The following ACMSD variants were observed in gnomAD, a reference collection of about 807,000 sequenced individuals.
ACMSD encodes the protein aminocarboxymuconate semialdehyde decarboxylase, also known as 2-amino-3-carboxymuconate-6-semialdehyde decarboxylase.
ACMSD carries 37 observed loss-of-function variants against 45.9 expected under a neutral mutation model. That is an observed-to-expected ratio of 0.81 (90% CI 0.62 to 1.06). The LOEUF (loss-of-function observed/expected upper bound fraction) is 1.06, where lower values mean the gene tolerates loss of function less well. ACMSD is among the 50% of genes least tolerant of loss of function. The probability of loss-of-function intolerance (pLI) is 0.00; values close to 1 mark genes in which losing one functional copy is unlikely to be tolerated. For synonymous variants in ACMSD, 138 were observed against 148.8 expected (o/e 0.93, Z 0.53); for missense variants, 434 against 420.9 (o/e 1.03, Z -0.27).
intron 1 of ACMSD, among the ~76,000 whole-genome samples, chr2:134,844,210 C>T (rs1471275706): frequency 2.0e-5 from 3 of 152,134 alleles, no homozygotes; most frequent in Admixed American, 6.5e-5. Flanking sequence ...GATCCCCAGG[C>T]GGAAATCTAT....
chr2:134,855,731 G>A (rs565912374), intron 2 of ACMSD, among the ~76,000 whole-genome samples: 3 of 152,240 alleles, frequency 2.0e-5, no homozygotes, highest in Admixed American at 6.5e-5. Flanking sequence ...GAAATAAAAT[G>A]TGGATCTGAA....
chr2:134,845,112 T>C, intron 1 of ACMSD, 121 bp from the exon 2 acceptor site: 2 of 915,950 alleles, frequency 2.2e-6, no homozygotes, highest in Non-Finnish European at 1.8e-6. Flanking sequence ...TACATGGGTA[T>C]GGGGGAAATG....
At chr2:134,851,100 C>T (rs1159666847) in intron 2 of ACMSD, among the ~76,000 whole-genome samples, 1 of 152,182 alleles carries the variant, frequency 6.6e-6, no homozygotes, top group Non-Finnish European at 1.5e-5. Flanking sequence ...CCTCCAGGTG[C>T]ATCTGTGTTG....
chr2:134,883,544 C>A (rs1423349334), intron 8 of ACMSD, among the ~76,000 whole-genome samples: 1 of 152,170 alleles, frequency 6.6e-6, no homozygotes, highest in Non-Finnish European at 1.5e-5. Flanking sequence ...CTCTGTCGCC[C>A]AGGCTGGGGT....
intron 8 of ACMSD, among the ~76,000 whole-genome samples, chr2:134,887,123 G>C (rs1377750012): frequency 6.6e-6 from 1 of 152,126 alleles, no homozygotes; most frequent in Non-Finnish European, 1.5e-5. Context: ...CATGTTTATG[G>C]ATCAGAGAAC....
At chr2:134,859,011 C>T (rs1687722082) in intron 2 of ACMSD, among the ~76,000 whole-genome samples, 1 of 149,152 alleles carries the variant, frequency 6.7e-6, no homozygotes, top group Admixed American at 6.8e-5. Flanking sequence ...CCCAGAGAAA[C>T]ATAACCTCAA....
At chr2:134,855,523 C>T (rs1687542022) in intron 2 of ACMSD, among the ~76,000 whole-genome samples, 1 of 152,220 alleles carries the variant, frequency 6.6e-6, no homozygotes, top group Non-Finnish European at 1.5e-5. Context: ...GAAGGCTAGG[C>T]CCTGCCTCCA....
intron 8 of ACMSD, among the ~76,000 whole-genome samples, chr2:134,895,339 A>T (rs1454375908): frequency 1.2e-4 from 18 of 145,356 alleles, no homozygotes; most frequent in East Asian, 4.1e-4. Context: ...TATATATATA[A>T]TATATATATA....
intron 2 of ACMSD, among the ~76,000 whole-genome samples, chr2:134,852,251 G>A (rs1687379390): frequency 6.6e-6 from 1 of 152,302 alleles, no homozygotes; most frequent in South Asian, 2.1e-4. Context: ...AGTTTTAAGT[G>A]GGGCAGTGGC....
chr2:134,879,748 T>A (rs1364411751), intron 8 of ACMSD, among the ~76,000 whole-genome samples: 1 of 152,206 alleles, frequency 6.6e-6, no homozygotes, highest in African/African-American at 2.4e-5. Flanking sequence ...TTTGTAACTT[T>A]CCTCTCAGTA....
intron 2 of ACMSD, among the ~76,000 whole-genome samples, chr2:134,845,622 C>T (rs372276332): frequency 1.5e-3 from 216 of 148,932 alleles, no homozygotes; most frequent in African/African-American, 5.1e-3. Context: ...TGACCTAGTG[C>T]TCTCTACAGG....
At chr2:134,886,762 GA>G (rs1689484497) in intron 8 of ACMSD, among the ~76,000 whole-genome samples, 1 of 151,944 alleles carries the variant, frequency 6.6e-6, no homozygotes, top group Non-Finnish European at 1.5e-5. Flanking sequence ...AAGAAAACAA[GA>G]AAAAGTAAAA....
Position 134,859,359 on chromosome 2 carries a change from T to C in ACMSD, c.199+2T>C. 6.2e-7 allele frequency: 1 copy of C among 1,613,504 alleles called. No individual in the cohort carries two copies. On this transcript the variant is annotated splice_donor_variant, in intron 3 of 9. Transcript: ENST00000356140. LOFTEE classifies it high-confidence loss of function. Reference sequence around the variant, plus strand: ...GTATTAGAGAAATGGACCAAAAAGGTACGATGAGAAGTGCTACCAATGTTA... The same window carrying C: ...GTATTAGAGAAATGGACCAAAAAGGCACGATGAGAAGTGCTACCAATGTTA...
chr2:134,880,988 CAT>C (rs1332369271), intron 8 of ACMSD, among the ~76,000 whole-genome samples: 1 of 152,118 alleles, frequency 6.6e-6, no homozygotes, highest in Non-Finnish European at 1.5e-5. Context: ...AATATCTATT[CAT>C]ATGTTATTCA....
At chr2:134,858,302 A>G (rs1687673027) in intron 2 of ACMSD, among the ~76,000 whole-genome samples, 1 of 152,208 alleles carries the variant, frequency 6.6e-6, no homozygotes, top group African/African-American at 2.4e-5. Context: ...TACTGTACTT[A>G]TATGTAGAAT....
At chr2:134,850,181 A>T (rs1238795892) in intron 2 of ACMSD, among the ~76,000 whole-genome samples, 1 of 151,974 alleles carries the variant, frequency 6.6e-6, no homozygotes, top group Non-Finnish European at 1.5e-5. Flanking sequence ...GGCAAGAGTA[A>T]ATATTGTTTC....
chr2:134,900,763 A>T lies in ACMSD; in HGVS notation c.949-1035A>T, dbSNP rs78050857. On this transcript the variant is annotated intron_variant, in intron 9 of 9. Coordinates refer to ENST00000356140, the MANE Select transcript of ACMSD (RefSeq NM_138326.3). ...TAGGCAGATGCATTCTACCATGAAG[A>T]TGTGGAGAAAGAAAACAAGACTTGG... Among the ~76,000 whole-genome samples the T allele has an allele frequency of 2.5e-3, 385 of 152,330 alleles. 1 individual carries two copies. Among genetic ancestry groups the T allele is most frequent in the African/African-American group, 8.8e-3 (364 of 41,578 alleles).
rs772337381 is a variant in ACMSD at position 134,872,536 on chromosome 2, C to T, written c.744C>T (p.Ala248=). 9 of 1,614,106 alleles carry T rather than the reference C, an allele frequency of 5.6e-6. No homozygotes were observed. In the Admixed American group the frequency reaches 1.5e-4, roughly 27 times the overall value. ...TCAGCATGCGCCCAGATCTGTGTGC[C>T]CAGGACAACCCCATGAACCCGAAGA... The part of the protein sequence containing the change: ...HGFSMRPDLC[A]QDNPMNPKKY... The change falls in exon 8 of 10, where the codon GCC becomes GCT. Residue 248 remains alanine (A), a synonymous_variant. Transcript: ENST00000356140.
At chr2:134,869,838 G>GT (rs1688333495) in intron 6 of ACMSD, among the ~76,000 whole-genome samples, 1 of 152,110 alleles carries the variant, frequency 6.6e-6, no homozygotes, top group African/African-American at 2.4e-5. Flanking sequence ...CATTATGAAC[G>GT]TAACTCTGAC....
Sources: gnomAD v4.1 joint callset for allele counts (sites outside exome capture counted in the v4.1 genomes callset) on GRCh38, gnomAD v4.1.1 for gene constraint, MANE v1.5 for transcripts, NCBI Gene and HGNC (gene_info 2026-07-23, HGNC 2026-07-21) for gene names.